WDR59: variants seen among roughly 807,000 people sequenced by gnomAD.
WDR59 encodes WD repeat domain 59.
WDR59 carries 100 observed loss-of-function variants against 131.2 expected under a neutral mutation model. That is an observed-to-expected ratio of 0.76 (90% CI 0.65 to 0.90). The LOEUF (loss-of-function observed/expected upper bound fraction) is 0.90, where lower values mean the gene tolerates loss of function less well. Ranked by LOEUF, WDR59 falls within the 40% of genes least tolerant of loss-of-function variation. The probability of loss-of-function intolerance (pLI) is 0.00; values close to 1 mark genes in which losing one functional copy is unlikely to be tolerated. For missense variants in WDR59, 1,203 were observed against 1,262.2 expected (o/e 0.95, Z 0.71); for synonymous variants, 601 against 466.2 (o/e 1.29, Z -3.72).
intron 17 of WDR59, chr16:74,904,329 A>G (rs1359103883): frequency 6.3e-6 from 3 of 479,108 alleles, no homozygotes; most frequent in Non-Finnish European, 7.4e-6. Flanking sequence ...ACAAACTACT[A>G]GAATAAGTGA....
Position 74,904,000 on chromosome 16 carries a change from TG to T in WDR59, c.1812del (p.Thr605LeufsTer64). On this transcript the variant is annotated frameshift_variant, in exon 18 of 26. Coordinates refer to ENST00000262144, the MANE Select transcript of WDR59 (RefSeq NM_030581.4). LOFTEE classifies it high-confidence loss of function. ...PGNLRLYSGS[P>X]TRSEKEQVSI... ...GAGACCTGCTCTTTCTCGCTGCGAGTGGGGCTCCCACTGTATAAACGAAGGT... is the reference window on the plus strand; with the variant it reads ...GAGACCTGCTCTTTCTCGCTGCGAGTGGGCTCCCACTGTATAAACGAAGGT... 9 of 1,611,652 alleles carry T rather than the reference TG, an allele frequency of 5.6e-6. No homozygotes were observed. The highest frequency in any genetic ancestry group is 7.6e-6 in the Non-Finnish European group (9 of 1,179,410).
intron 18 of WDR59, among the ~76,000 whole-genome samples, chr16:74,897,345 C>A (rs1339778425): frequency 6.6e-6 from 1 of 152,192 alleles, no homozygotes; most frequent in Non-Finnish European, 1.5e-5. Context: ...GGATTAGGCA[C>A]ATTCAGACAG....
intron 2 of WDR59, among the ~76,000 whole-genome samples, chr16:74,958,620 A>AAAAAAAAAAAAG (rs1199806175): frequency 7.1e-6 from 1 of 141,050 alleles, no homozygotes; most frequent in Non-Finnish European, 1.5e-5. Context: ...AAAAAAAAAA[A>AAAAAAAAAAAAG]CAAGCTAAAT....
intron 8 of WDR59, among the ~76,000 whole-genome samples, chr16:74,925,929 G>A (rs1374167057): frequency 2.7e-5 from 4 of 150,150 alleles, no homozygotes; most frequent in Non-Finnish European, 2.9e-5. Context: ...AGGTTACAGT[G>A]AGCTATGATC....
At chr16:74,912,503 A>C in intron 13 of WDR59, 141 bp from the exon 14 acceptor site, 1 of 892,790 alleles carries the variant, frequency 1.1e-6, no homozygotes, top group Non-Finnish European at 1.6e-6. Flanking sequence ...TGTGGAAGAC[A>C]ATTCATTTTC....
At chr16:74,899,656 G>T (rs762479599) in intron 18 of WDR59, 1 of 1,282,418 alleles carries the variant, frequency 7.8e-7, no homozygotes, top group Admixed American at 2.3e-5. Context: ...CTCGGGTAGA[G>T]ACAGGATTAG....
chr16:74,947,231 C>T (rs1404476112), intron 6 of WDR59, among the ~76,000 whole-genome samples: 2 of 152,068 alleles, frequency 1.3e-5, no homozygotes. Context: ...GGTGGATCAC[C>T]TGAGGTCGGG....
In WDR59 at chr16:74,899,585, A is replaced by G. The variant is rs990316699; in HGVS notation, c.1866+4362T>C. The G allele has an allele frequency of 9.0e-6, 8 of 887,422 alleles. No homozygotes were observed. The African/African-American group carries it at 1.4e-4, about 16-fold the overall frequency. The allele number at this position is 887,422 out of a possible 1,614,324, so 55.0% of individuals were successfully genotyped here. On this transcript the variant is annotated intron_variant, in intron 18 of 25. Transcript: ENST00000262144. ...AAAATTGACTGTTGCTGGTCCTGAAAACAGCTCGCCTGTCATTTCAGGTTC... is the reference window on the plus strand; with the variant it reads ...AAAATTGACTGTTGCTGGTCCTGAAGACAGCTCGCCTGTCATTTCAGGTTC...
intron 6 of WDR59, among the ~76,000 whole-genome samples, chr16:74,945,278 C>T (rs2032532850): frequency 6.6e-6 from 1 of 151,666 alleles, no homozygotes; most frequent in African/African-American, 2.4e-5. Context: ...AGATCGAGAC[C>T]ATCCTGGCTA....
At chr16:74,976,631 C>CT (rs1567446369) in intron 1 of WDR59, among the ~76,000 whole-genome samples, 1 of 151,986 alleles carries the variant, frequency 6.6e-6, no homozygotes, top group Non-Finnish European at 1.5e-5. Flanking sequence ...TTAGTAGAGA[C>CT]AGGGTTTCAC....
In WDR59 at chr16:74,916,271, G is replaced by C. The variant is rs780721834; in HGVS notation, c.967-12C>G. 3.1e-6 allele frequency: 5 copies of C among 1,613,568 alleles called. No individual in the cohort carries two copies. The East Asian group carries it at 8.9e-5, about 29-fold the overall frequency. On this transcript the variant is annotated splice_polypyrimidine_tract_variant and intron_variant, in intron 11 of 25. Transcript: ENST00000262144. Reference sequence around the variant, plus strand: ...TCATTTGCACAAAGCTGCAACAAAGGGTAGAAGATGTAGTTCTAGAGAAGT... The same window carrying C: ...TCATTTGCACAAAGCTGCAACAAAGCGTAGAAGATGTAGTTCTAGAGAAGT...
In WDR59 at chr16:74,912,381, C is replaced by G. The variant is rs768036333; in HGVS notation, c.1225-19G>C. The G allele has an allele frequency of 1.9e-5, 31 of 1,603,790 alleles. No homozygotes were observed. The highest frequency in any genetic ancestry group is 2.6e-5 in the Non-Finnish European group (30 of 1,172,848). On this transcript the variant is annotated intron_variant, in intron 13 of 25. Coordinates refer to ENST00000262144, the MANE Select transcript of WDR59 (RefSeq NM_030581.4). ...CATCCATCTGCAAGAGACAAATCCA[C>G]AATTGCTGTAGAAACAAACCATAAA... is the stretch of plus-strand genomic sequence containing the variant.
chr16:74,934,664 T>A (rs1200815421), intron 8 of WDR59, among the ~76,000 whole-genome samples: 5 of 152,178 alleles, frequency 3.3e-5, no homozygotes, highest in African/African-American at 9.7e-5. Context: ...TGAAGAAATA[T>A]CAGGGGCCAG....
At chr16:74,950,029 G>C in intron 4 of WDR59, 1 of 569,444 alleles carries the variant, frequency 1.8e-6, no homozygotes, top group Non-Finnish European at 3.3e-6. Flanking sequence ...AAAAGAAATG[G>C]AGTGCTTCAA....
In WDR59 at chr16:74,948,668, T is replaced by G. The variant is rs780429434; in HGVS notation, c.408-112A>C. The G allele has an allele frequency of 1.1e-5, 10 of 890,490 alleles. No homozygotes were observed. The Admixed American group carries it at 1.8e-4, about 16-fold the overall frequency. The allele number at this position is 890,490 out of a possible 1,614,324, so 55.2% of individuals were successfully genotyped here. A position where few individuals can be genotyped will look rare whatever the true frequency, so the allele number is the denominator to read the frequency against. On this transcript the variant is annotated intron_variant, in intron 5 of 25. Transcript: ENST00000262144. ...CTTTCCTTTCAGTGGGAACTTGGAG[T>G]AGGTAGATCCGCTGTGAGGGCCTTA...
chr16:74,984,713 G>A (rs2034555217), intron 1 of WDR59: 1 of 551,452 alleles, frequency 1.8e-6, no homozygotes, highest in South Asian at 2.1e-5. Context: ...CTCTGCCTCA[G>A]TGTCACAAGG....
At chr16:74,894,054 T>C (rs1965171033) in intron 18 of WDR59, 3 of 412,840 alleles carry the variant, frequency 7.3e-6, no homozygotes, top group East Asian at 7.4e-5. Flanking sequence ...CAAAAACACA[T>C]ATCAGGAAGC....
chr16:74,928,090 T>C (rs2031025883), intron 8 of WDR59, among the ~76,000 whole-genome samples: 1 of 151,702 alleles, frequency 6.6e-6, no homozygotes, highest in Non-Finnish European at 1.5e-5. Context: ...GTATTTTTAG[T>C]AGAGACAGGG....
At chr16:74,955,798 C>T (rs899926092) in intron 3 of WDR59, among the ~76,000 whole-genome samples, 1 of 151,908 alleles carries the variant, frequency 6.6e-6, no homozygotes, top group Non-Finnish European at 1.5e-5. Flanking sequence ...CAGCCCAATG[C>T]AAAAAGAGCA....
Sources: allele counts gnomAD v4.1 joint callset (sites outside exome capture counted in the v4.1 genomes callset), GRCh38; gene constraint gnomAD v4.1.1; transcripts MANE v1.5; gene names NCBI Gene and HGNC (gene_info 2026-07-23, HGNC 2026-07-21).